CSE1L: variants seen among roughly 807,000 people sequenced by gnomAD.
CSE1L encodes chromosome segregation 1 like, also known as exportin-2.
A neutral mutation model predicts 120.4 loss-of-function variants in CSE1L; 24 were observed. The ratio of observed to expected loss-of-function variants is 0.20; its 90% confidence interval spans 0.14 to 0.28. CSE1L has a LOEUF of 0.28. Among genes scored for constraint, CSE1L ranks in the 10% least tolerant of loss-of-function variants. The pLI, the probability that CSE1L is intolerant of heterozygous loss-of-function variation, is 1.00. For missense variants in CSE1L, 830 were observed against 1,145.2 expected (o/e 0.72, Z 3.97); for synonymous variants, 402 against 398.3 (o/e 1.01, Z -0.11).
intron 1 of CSE1L, among the ~76,000 whole-genome samples, 165 bp from the exon 2 acceptor site, chr20:49,058,288 C>G (rs1381727516): frequency 5.3e-5 from 8 of 152,056 alleles, no homozygotes; most frequent in Admixed American, 2.6e-4. Flanking sequence ...AAAGGCACAT[C>G]TCATTTGCTG....
chr20:49,060,117 C>T (rs1486495936), intron 2 of CSE1L, among the ~76,000 whole-genome samples: 7 of 145,930 alleles, frequency 4.8e-5, no homozygotes, highest in African/African-American at 1.8e-4. Context: ...CCCAAGAGGT[C>T]GGAGCTGCAG....
At chr20:49,074,878 GTC>G (rs745308454) in intron 11 of CSE1L, 28 bp downstream of exon 11, 28 of 1,571,654 alleles carry the variant, frequency 1.8e-5, no homozygotes, top group Non-Finnish European at 2.4e-5. Flanking sequence ...TTAGTTACTA[GTC>G]TCTTAGCAAG....
rs759973869 is a variant in CSE1L, at chr20:49,084,173, T to C, written c.1619+11T>C. The C allele has an allele frequency of 5.0e-6, 8 of 1,613,344 alleles. No homozygotes were observed. The South Asian group carries it at 7.7e-5, about 16-fold the overall frequency. On this transcript the variant is annotated intron_variant, in intron 15 of 24. Transcript: ENST00000262982. ...TAACAATGCCACTCTGTGAGTATTTTATTCTAAAGTTTTTTAGCCTGGGGT... is the reference window on the plus strand; with the variant it reads ...TAACAATGCCACTCTGTGAGTATTTCATTCTAAAGTTTTTTAGCCTGGGGT...
chr20:49,089,927 A>G (rs1042164980), intron 19 of CSE1L, among the ~76,000 whole-genome samples, 181 bp downstream of exon 19: 1 of 152,056 alleles, frequency 6.6e-6, no homozygotes, highest in Non-Finnish European at 1.5e-5. Context: ...AGACCAGCCT[A>G]GGCAACGTGG....
At chr20:49,068,120 A>T (rs2091907663) in intron 6 of CSE1L, among the ~76,000 whole-genome samples, 1 of 152,062 alleles carries the variant, frequency 6.6e-6, no homozygotes, top group South Asian at 2.1e-4. Context: ...CAAGTGGCAG[A>T]TGAATTGTTT....
At chr20:49,074,702 T>C in intron 10 of CSE1L, 83 bp from the exon 11 acceptor site, 1 of 1,154,830 alleles carries the variant, frequency 8.7e-7, no homozygotes, top group Non-Finnish European at 1.2e-6. Context: ...ACAAGGCAGT[T>C]TTACATACTC....
rs184971494 is a variant in CSE1L at position 49,049,707 on chromosome 20, T to C, written c.-12+3284T>C. ...AGGATAAGCTTAGAATTCGGTTTTA[T>C]AGACTATATCTGCAAGGCGATATAA... On this transcript the variant is annotated intron_variant, in intron 1 of 24. Transcript: ENST00000262982. 1.8e-3 allele frequency among the ~76,000 whole-genome samples: 271 copies of C among 152,350 alleles called. 1 individual carries two copies. Among genetic ancestry groups the C allele is most frequent in the African/African-American group, 6.3e-3 (262 of 41,564 alleles).
At chr20:49,064,994 A>C (rs1481213197) in intron 3 of CSE1L, among the ~76,000 whole-genome samples, 1 of 151,308 alleles carries the variant, frequency 6.6e-6, no homozygotes, top group Admixed American at 6.6e-5. Context: ...TCTTCTCTAC[A>C]AAAAAATTTA....
chr20:49,058,018 A>C (rs951361206), intron 1 of CSE1L, among the ~76,000 whole-genome samples: 1 of 151,000 alleles, frequency 6.6e-6, no homozygotes, highest in Non-Finnish European at 1.5e-5. Flanking sequence ...CAGTCCACCC[A>C]CCTCAGCCTC....
At chr20:49,046,819 A>G (rs1425235400) in intron 1 of CSE1L, among the ~76,000 whole-genome samples, 1 of 152,220 alleles carries the variant, frequency 6.6e-6, no homozygotes, top group South Asian at 2.1e-4. Context: ...ATTCTCTGCG[A>G]CGGTGGCTGC....
At chr20:49,074,951 T>A in intron 11 of CSE1L, 101 bp downstream of exon 11, 2 of 826,782 alleles carry the variant, frequency 2.4e-6, no homozygotes. Flanking sequence ...AATAAGAGTG[T>A]TTTTTCAGCG....
rs1193878864 is a variant in CSE1L, at chr20:49,068,705, C to T, written c.568-10C>T. 1.3e-6 allele frequency: 2 copies of T among 1,596,894 alleles called. No individual in the cohort carries two copies. The highest frequency in any genetic ancestry group is 2.7e-5 in the African/African-American group (2 of 74,558). On this transcript the variant is annotated splice_polypyrimidine_tract_variant and intron_variant, in intron 6 of 24. Coordinates refer to ENST00000262982, the MANE Select transcript of CSE1L (RefSeq NM_001316.4). ...TGCACTAAAACCATGTTGCTAAATT[C>T]CTTTCCAAGGCCACTATTGAACTCT... is the stretch of plus-strand genomic sequence containing the variant.
chr20:49,094,118 T>C, intron 22 of CSE1L, 22 bp from the exon 23 acceptor site: 1 of 1,374,264 alleles, frequency 7.3e-7, no homozygotes, highest in East Asian at 2.4e-5. Flanking sequence ...TAATATTAAG[T>C]TGATTTATTT....
chr20:49,085,452 G>C (rs897314596), intron 16 of CSE1L, 66 bp downstream of exon 16: 2 of 1,080,612 alleles, frequency 1.9e-6, no homozygotes, highest in Non-Finnish European at 2.8e-6. Context: ...TGAGCACTCT[G>C]AGTTATACTT....
In CSE1L at chr20:49,059,057, G is replaced by A. The variant is rs547776450; in HGVS notation, c.85+509G>A. 9.0e-4 allele frequency among the ~76,000 whole-genome samples: 136 copies of A among 151,910 alleles called. 1 individual carries two copies. The highest frequency in any genetic ancestry group is 2.9e-3 in the African/African-American group (121 of 41,428). On this transcript the variant is annotated intron_variant, in intron 2 of 24. Transcript: ENST00000262982. The stretch of plus-strand genomic sequence containing the variant: ...GAGTCAGGAGAATGGCGTGAACCCC[G>A]GAGGCAGAGCTTGCAGTGAGCCGAG...
Position 49,070,277 on chromosome 20 carries a change from A to T in CSE1L, c.748A>T (p.Asn250Tyr), listed in dbSNP as rs1213695500. ...NNFHTLLTLD[N>Y]KLLQTDDEEE... ...TTTTCATACTCTCTTAACATTGGAT[A>T]ATAAGCTTTTACAAACTGATGTAAG... The change falls in exon 8 of 25, where the codon AAT (asparagine) becomes TAT (tyrosine). Residue 250 changes from asparagine to tyrosine, a missense_variant. Transcript: ENST00000262982. 7.0e-7 allele frequency: 1 copy of T among 1,422,850 alleles called. No homozygotes were observed. Among genetic ancestry groups the T allele is most frequent in the South Asian group, 1.3e-5 (1 of 77,798 alleles). The allele number at this position is 1,422,850 out of a possible 1,614,324, so 88.1% of individuals were successfully genotyped here.
chr20:49,066,185 C>A lies in CSE1L; in HGVS notation c.229-7C>A. 1 of 1,613,284 alleles carries A rather than the reference C, an allele frequency of 6.2e-7. No homozygotes were observed. The highest frequency in any genetic ancestry group is 8.5e-7 in the Non-Finnish European group (1 of 1,179,316). ...TGTTACTTCCTCAGTTACTGCTTTG[C>A]TTTTAGGTTGAAGATGAACCAAACA... On this transcript the variant is annotated splice_region_variant and splice_polypyrimidine_tract_variant and intron_variant, in intron 3 of 24. Coordinates refer to ENST00000262982, the MANE Select transcript of CSE1L (RefSeq NM_001316.4).
intron 6 of CSE1L, among the ~76,000 whole-genome samples, chr20:49,068,460 G>A (rs982867694): frequency 1.3e-5 from 2 of 152,102 alleles, no homozygotes; most frequent in Non-Finnish European, 2.9e-5. Context: ...TTAGCCGGGC[G>A]TGGTGGCAGG....
intron 21 of CSE1L, among the ~76,000 whole-genome samples, chr20:49,091,578 C>T (rs1470567704): frequency 6.6e-6 from 1 of 152,030 alleles, no homozygotes; most frequent in Admixed American, 6.6e-5. Context: ...TACAAAACAG[C>T]CAAGCATGGT....
Sources: allele counts gnomAD v4.1 joint callset (sites outside exome capture counted in the v4.1 genomes callset), GRCh38; gene constraint gnomAD v4.1.1; transcripts MANE v1.5; gene names NCBI Gene and HGNC (gene_info 2026-07-23, HGNC 2026-07-21).